Variants in FGF6 observed in about 807,000 individuals in gnomAD.
The protein encoded by FGF6 is FGF-6.
In FGF6, 14 loss-of-function variants were observed where a neutral mutation model predicts 18.4. The ratio of observed to expected loss-of-function variants is 0.76; its 90% confidence interval spans 0.50 to 1.19. The LOEUF is 1.19. Ranked by LOEUF, FGF6 falls within the 50% of genes most tolerant of loss-of-function variation. FGF6 has a pLI of 0.00. For missense variants in FGF6, 266 were observed against 271.6 expected (o/e 0.98, Z 0.15); for synonymous variants, 125 against 116.7 (o/e 1.07, Z -0.46).
chr12:4,443,028 T>C (rs1417841650), intron 2 of FGF6, among the ~76,000 whole-genome samples: 1 of 152,244 alleles, frequency 6.6e-6, no homozygotes, highest in East Asian at 1.9e-4. Context: ...GTGACAGAGA[T>C]GCAAACTGTC....
chr12:4,436,080 T>C (rs1232112828), intron 2 of FGF6, among the ~76,000 whole-genome samples: 4 of 152,132 alleles, frequency 2.6e-5, no homozygotes, highest in African/African-American at 9.7e-5. Context: ...CCTCTGACCT[T>C]CTGTAAAGGA....
rs1040293768 is a variant in FGF6 at position 4,445,111 on chromosome 12, C to T, written c.346+114G>A. ...GTGGAATCATCTAAGTGGTGAGCAGCATTTCTGCCCCCTTTATCGTGCATC... is the reference window on the plus strand; with the variant it reads ...GTGGAATCATCTAAGTGGTGAGCAGTATTTCTGCCCCCTTTATCGTGCATC... On this transcript the variant is annotated intron_variant, in intron 1 of 2. Coordinates refer to ENST00000228837, the MANE Select transcript of FGF6 (RefSeq NM_020996.3). The surrounding 1 kb of genome is among the most constrained non-coding windows in gnomAD (Gnocchi z 5.5). The T allele has an allele frequency of 1.1e-6, 1 of 896,212 alleles. No individual in the cohort carries two copies. Among genetic ancestry groups the T allele is most frequent in the Non-Finnish European group, 1.7e-6 (1 of 594,768 alleles). The allele number at this position is 896,212 out of a possible 1,614,324, so 55.5% of individuals were successfully genotyped here.
intron 2 of FGF6, among the ~76,000 whole-genome samples, chr12:4,440,074 T>A (rs1475969038): frequency 3.3e-5 from 5 of 152,180 alleles, no homozygotes; most frequent in African/African-American, 1.2e-4. Flanking sequence ...AAGAACGCAC[T>A]CGAGCCAAGT....
chr12:4,435,655 C>CA (rs1865619238), intron 2 of FGF6, among the ~76,000 whole-genome samples: 1 of 151,952 alleles, frequency 6.6e-6, no homozygotes, highest in East Asian at 1.9e-4. Context: ...CTGGGACCAA[C>CA]AAAAAAATGG....
chr12:4,434,621 G>T (rs1271441176), intron 2 of FGF6, among the ~76,000 whole-genome samples: 2 of 152,128 alleles, frequency 1.3e-5, no homozygotes, highest in Non-Finnish European at 2.9e-5. Flanking sequence ...TTTACGATAA[G>T]GAAACCAAGG....
chr12:4,444,928 G>C (rs1865739038), intron 1 of FGF6, among the ~76,000 whole-genome samples: 1 of 152,180 alleles, frequency 6.6e-6, no homozygotes, highest in African/African-American at 2.4e-5. Flanking sequence ...GGCCTTGGGG[G>C]CTTCCCAGAC....
chr12:4,442,944 C>T (rs1261960607), intron 2 of FGF6, among the ~76,000 whole-genome samples: 20 of 152,234 alleles, frequency 1.3e-4, no homozygotes, highest in Admixed American at 1.2e-3. Context: ...TTTCCAGGCC[C>T]ACACGCCAGC....
At chr12:4,436,550 G>A (rs1321016132) in intron 2 of FGF6, among the ~76,000 whole-genome samples, 5 of 152,078 alleles carry the variant, frequency 3.3e-5, no homozygotes, top group East Asian at 1.9e-4. Flanking sequence ...GCTTGAGGTC[G>A]AGGCTGCAGT....
At chr12:4,435,155 C>T (rs1450358459) in intron 2 of FGF6, among the ~76,000 whole-genome samples, 1 of 152,098 alleles carries the variant, frequency 6.6e-6, no homozygotes, top group Non-Finnish European at 1.5e-5. Flanking sequence ...CCCCGACCCC[C>T]AGGCTGCAGA....
At position 4,445,384 on chromosome 12, in the gene FGF6, C is replaced by T. The variant is rs148657794; in HGVS notation, c.187G>A (p.Ala63Thr). 1.1e-3 allele frequency: 1,835 copies of T among 1,613,794 alleles called. 18 individuals carry two copies. Among genetic ancestry groups the T allele is most frequent in the South Asian group, 4.3e-4 (39 of 91,084 alleles). Residue 63 changes from alanine to threonine, a missense_variant, in exon 1 of 3, where the codon GCC (alanine) becomes ACC (threonine). Ala to Thr is a moderately conservative substitution (Grantham distance 58). Coordinates refer to ENST00000228837, the MANE Select transcript of FGF6 (RefSeq NM_020996.3). The surrounding 1 kb of genome is among the most constrained non-coding windows in gnomAD (Gnocchi z 5.5). Reference protein sequence around the residue: ...GWGTLLSRSRAGLAGEIAGVN... With the variant: ...GWGTLLSRSRTGLAGEIAGVN... ...CCGGCAATCTCTCCAGCTAGCCCGGCGCGAGACCTGGACAGCAGGGTGCCC... is the reference window on the plus strand; with the variant it reads ...CCGGCAATCTCTCCAGCTAGCCCGGTGCGAGACCTGGACAGCAGGGTGCCC...
chr12:4,440,934 ATAATGCCCCAATG>A (rs1415611740), intron 2 of FGF6, among the ~76,000 whole-genome samples: 1 of 152,090 alleles, frequency 6.6e-6, no homozygotes, highest in Admixed American at 6.6e-5. Flanking sequence ...GCCCCAGATA[ATAATGCCCCAATG>A]TAATGCCCCA....
chr12:4,441,805 A>C (rs887902635), intron 2 of FGF6, among the ~76,000 whole-genome samples: 1 of 152,148 alleles, frequency 6.6e-6, no homozygotes, highest in Non-Finnish European at 1.5e-5. Context: ...ATCACCCAGC[A>C]GGAGTCTTCC....
chr12:4,440,647 AGT>A (rs1865680156), intron 2 of FGF6, among the ~76,000 whole-genome samples: 1 of 152,210 alleles, frequency 6.6e-6, no homozygotes, highest in Non-Finnish European at 1.5e-5. Flanking sequence ...AATGTTGGAA[AGT>A]GTTTTCATCA....
chr12:4,440,076 G>A (rs894191483), intron 2 of FGF6, among the ~76,000 whole-genome samples: 2 of 152,152 alleles, frequency 1.3e-5, no homozygotes, highest in Non-Finnish European at 2.9e-5. Flanking sequence ...GAACGCACTC[G>A]AGCCAAGTGA....
rs1865742470 is a variant in FGF6, at chr12:4,445,156, C to T, written c.346+69G>A. On this transcript the variant is annotated intron_variant, in intron 1 of 2. Transcript: ENST00000228837. This position sits in a 1 kb window ranked among gnomAD's most constrained non-coding sequence, Gnocchi z 5.5. ...TGCATCCTGTCCGCTAGAGCAGGGC[C>T]CCTTCACCTTTTAGCCCTGCATGAG... is the stretch of plus-strand genomic sequence containing the variant. 7.7e-7 allele frequency: 1 copy of T among 1,293,218 alleles called. No individual in the cohort carries two copies. The highest frequency in any genetic ancestry group is 1.5e-5 in the African/African-American group (1 of 68,416). 80.1% of individuals were successfully genotyped at this position (1,293,218 alleles called of 1,614,324 possible).
Position 4,445,179 on chromosome 12 carries a change from G to T in FGF6, c.346+46C>A. On this transcript the variant is annotated intron_variant, in intron 1 of 2. Coordinates refer to ENST00000228837, the MANE Select transcript of FGF6 (RefSeq NM_020996.3). This position sits in a 1 kb window ranked among gnomAD's most constrained non-coding sequence, Gnocchi z 5.5. ...GCCCCTTCACCTTTTAGCCCTGCAT[G>T]AGCCCAAACCCCCAAGCGTCCCGAC... 7.3e-6 allele frequency: 11 copies of T among 1,513,764 alleles called. No homozygotes were observed. The highest frequency in any genetic ancestry group is 9.9e-6 in the Non-Finnish European group (11 of 1,114,784). The allele number at this position is 1,513,764 out of a possible 1,614,324, so 93.8% of individuals were successfully genotyped here.
chr12:4,440,284 C>T (rs894280355), intron 2 of FGF6, among the ~76,000 whole-genome samples: 1 of 152,172 alleles, frequency 6.6e-6, no homozygotes, highest in Non-Finnish European at 1.5e-5. Context: ...GCAAGCATAT[C>T]CATGGGGTAG....
intron 2 of FGF6, among the ~76,000 whole-genome samples, chr12:4,436,464 T>TA (rs35981180): frequency 2.6e-3 from 362 of 140,908 alleles, no homozygotes; most frequent in East Asian, 8.4e-3. Context: ...TACAAAAGCT[T>TA]AAAAAAAAAA....
chr12:4,441,707 T>C (rs977730384), intron 2 of FGF6, among the ~76,000 whole-genome samples: 10 of 150,514 alleles, frequency 6.6e-5, no homozygotes, highest in African/African-American at 2.2e-4. Flanking sequence ...CCCCCACCCA[T>C]GAGAAATCCC....
Sources: gnomAD v4.1 joint callset for allele counts (sites outside exome capture counted in the v4.1 genomes callset) on GRCh38, gnomAD v4.1.1 for gene constraint, Gnocchi (gnomAD v3.1) non-coding constraint, MANE v1.5 for transcripts, NCBI Gene and HGNC (gene_info 2026-07-23, HGNC 2026-07-21) for gene names.